ZNF609: variants seen among roughly 807,000 people sequenced by gnomAD.
ZNF609 encodes the protein zinc finger protein 609.
ZNF609 carries 11 observed loss-of-function variants against 109.5 expected under a neutral mutation model. That is an observed-to-expected ratio of 0.10 (90% CI 0.06 to 0.17). The LOEUF (loss-of-function observed/expected upper bound fraction) is 0.17, where lower values mean the gene tolerates loss of function less well. Among genes scored for constraint, ZNF609 ranks in the 10% least tolerant of loss-of-function variants. The pLI, the probability that ZNF609 is intolerant of heterozygous loss-of-function variation, is 1.00. For synonymous variants in ZNF609, 646 were observed against 662.0 expected (o/e 0.98, Z 0.37); for missense variants, 1,559 against 1,772.4 (o/e 0.88, Z 2.16).
chr15:64,585,269 G>A (rs766307902), intron 2 of ZNF609, among the ~76,000 whole-genome samples: 5 of 152,060 alleles, frequency 3.3e-5, no homozygotes, highest in South Asian at 4.1e-4. Flanking sequence ...TGGTTGCAGC[G>A]AGCCAAGATC....
intron 1 of ZNF609, among the ~76,000 whole-genome samples, chr15:64,469,476 A>C (rs937240201): frequency 1.3e-5 from 2 of 151,766 alleles, no homozygotes; most frequent in Non-Finnish European, 2.9e-5. Context: ...GAACAGGACA[A>C]AAATATTTAA....
chr15:64,664,382 G>T (rs1051391762), intron 3 of ZNF609, among the ~76,000 whole-genome samples: 1 of 152,140 alleles, frequency 6.6e-6, no homozygotes, highest in African/African-American at 2.4e-5. Context: ...ATGTCCATAA[G>T]ACTTGGTAAA....
intron 1 of ZNF609, among the ~76,000 whole-genome samples, chr15:64,478,235 T>G (rs1350438438): frequency 1.4e-5 from 2 of 147,276 alleles, no homozygotes; most frequent in African/African-American, 5.0e-5. Flanking sequence ...GTTGCCCAGG[T>G]TGGAGGACAG....
At chr15:64,466,510 T>C (rs1459670483) in intron 1 of ZNF609, among the ~76,000 whole-genome samples, 4 of 152,146 alleles carry the variant, frequency 2.6e-5, no homozygotes, top group Non-Finnish European at 5.9e-5. Flanking sequence ...ACAGCCCAAG[T>C]GGAGTGAAGG....
At chr15:64,551,605 TCG>T (rs1894477186) in intron 2 of ZNF609, among the ~76,000 whole-genome samples, 1 of 143,224 alleles carries the variant, frequency 7.0e-6, no homozygotes, top group African/African-American at 2.6e-5. Flanking sequence ...TGAGCCGAGA[TCG>T]CGCCACTGCA....
chr15:64,664,971 AT>A (rs1383361363), intron 3 of ZNF609, among the ~76,000 whole-genome samples: 1 of 152,180 alleles, frequency 6.6e-6, no homozygotes, highest in Non-Finnish European at 1.5e-5. Flanking sequence ...TGAGATGCCT[AT>A]CTCTAAGTCT....
At chr15:64,485,988 ACATGTAGAGT>A (rs1893327341) in intron 1 of ZNF609, among the ~76,000 whole-genome samples, 1 of 152,078 alleles carries the variant, frequency 6.6e-6, no homozygotes, top group South Asian at 2.1e-4. Flanking sequence ...AGACTTAATC[ACATGTAGAGT>A]CATACTATTT....
intron 2 of ZNF609, chr15:64,528,572 C>T (rs1457749662): frequency 1.7e-6 from 1 of 604,106 alleles, no homozygotes; most frequent in Non-Finnish European, 3.0e-6. Context: ...AGGGGAGATT[C>T]AGCTTGGTGG....
chr15:64,598,126 T>C (rs1055263507), intron 2 of ZNF609, among the ~76,000 whole-genome samples: 5 of 152,206 alleles, frequency 3.3e-5, no homozygotes, highest in African/African-American at 1.2e-4. Context: ...ATCTGCTTTG[T>C]TTTGTTTTGA....
At chr15:64,528,128 C>T (rs559929363) in intron 2 of ZNF609, among the ~76,000 whole-genome samples, 102 of 150,768 alleles carry the variant, frequency 6.8e-4, no homozygotes, top group African/African-American at 2.3e-3. Flanking sequence ...GTTGGAGTCT[C>T]GCTCTGTTGC....
chr15:64,523,357 T>C (rs1207368941), intron 2 of ZNF609, among the ~76,000 whole-genome samples: 1 of 152,210 alleles, frequency 6.6e-6, no homozygotes, highest in Non-Finnish European at 1.5e-5. Context: ...CTGAGACTAC[T>C]CTTTGGAACT....
intron 3 of ZNF609, among the ~76,000 whole-genome samples, chr15:64,667,473 C>CGAA (rs1257581286): frequency 6.6e-6 from 1 of 152,100 alleles, no homozygotes; most frequent in Non-Finnish European, 1.5e-5. Context: ...CTTTGGGAGT[C>CGAA]TGAGGTGGGC....
At chr15:64,477,164 G>A (rs1354324594) in intron 1 of ZNF609, among the ~76,000 whole-genome samples, 9 of 126,476 alleles carry the variant, frequency 7.1e-5, no homozygotes, top group African/African-American at 1.8e-4. Context: ...TTTTTGAGAC[G>A]GTGTCTTGCT....
At chr15:64,543,016 G>A (rs1268031448) in intron 2 of ZNF609, among the ~76,000 whole-genome samples, 1 of 152,112 alleles carries the variant, frequency 6.6e-6, no homozygotes, top group Non-Finnish European at 1.5e-5. Context: ...AGGGGAGGGA[G>A]AGCATTAGGA....
At chr15:64,635,500 A>C (rs1470861945) in intron 3 of ZNF609, among the ~76,000 whole-genome samples, 2 of 152,176 alleles carry the variant, frequency 1.3e-5, no homozygotes, top group Admixed American at 1.3e-4. Flanking sequence ...GTTGGACTAC[A>C]TGATCTCTAT....
chr15:64,603,967 C>T (rs191502587), intron 2 of ZNF609, among the ~76,000 whole-genome samples: 14 of 145,658 alleles, frequency 9.6e-5, no homozygotes, highest in Non-Finnish European at 1.8e-4. Flanking sequence ...CACTACAGTC[C>T]AGCCTGGGAG....
At chr15:64,480,795 T>C (rs1020506449) in intron 1 of ZNF609, among the ~76,000 whole-genome samples, 1 of 152,224 alleles carries the variant, frequency 6.6e-6, no homozygotes, top group Non-Finnish European at 1.5e-5. Context: ...ATAATGGGAC[T>C]GAACTTGAAA....
chr15:64,599,183 T>G (rs1315973144), intron 2 of ZNF609, among the ~76,000 whole-genome samples: 2 of 148,086 alleles, frequency 1.4e-5, no homozygotes, highest in Non-Finnish European at 3.0e-5. Context: ...TTTTTTTTTT[T>G]TTTTTTTTTT....
chr15:64,484,907 G>A (rs993006802), intron 1 of ZNF609, among the ~76,000 whole-genome samples: 1 of 152,132 alleles, frequency 6.6e-6, no homozygotes, highest in African/African-American at 2.4e-5. Context: ...CCGGGAGGCG[G>A]AGGTTGCAGT....
Sources: allele counts gnomAD v4.1 joint callset (sites outside exome capture counted in the v4.1 genomes callset), GRCh38; gene constraint gnomAD v4.1.1; transcripts MANE v1.5; gene names NCBI Gene and HGNC (gene_info 2026-07-23, HGNC 2026-07-21).